Variants in NELL2 observed in about 807,000 individuals in gnomAD.
The protein encoded by NELL2 is protein kinase C-binding protein NELL2.
A neutral mutation model predicts 109.6 loss-of-function variants in NELL2; 41 were observed. That is an observed-to-expected ratio of 0.37 (90% confidence interval 0.29 to 0.49). The LOEUF is 0.49. Ranked by LOEUF, NELL2 falls within the 20% of genes least tolerant of loss-of-function variation. The pLI is 0.98. For missense variants in NELL2, 900 were observed against 1,008.3 expected, an observed-to-expected ratio of 0.89 and a Z score of 1.45; for synonymous variants, 355 against 344.7, an observed-to-expected ratio of 1.03 and a Z score of -0.33.
intron 1 of NELL2, among the ~76,000 whole-genome samples, chr12:44,882,120 A>G (rs942746828): frequency 6.6e-6 from 1 of 152,012 alleles, no homozygotes; most frequent in African/African-American, 2.4e-5. Flanking sequence ...CTCTAAAATT[A>G]TTGCTAAAGA....
intron 2 of NELL2, among the ~76,000 whole-genome samples, chr12:44,823,704 G>A (rs1353369326): frequency 1.3e-5 from 2 of 152,164 alleles, no homozygotes; most frequent in African/African-American, 2.4e-5. Context: ...GAACATGGGA[G>A]TACAAATATT....
intron 9 of NELL2, among the ~76,000 whole-genome samples, chr12:44,746,389 C>G (rs1940355518): frequency 6.6e-6 from 1 of 152,048 alleles, no homozygotes; most frequent in Middle Eastern, 3.2e-3. Context: ...TAGGCATGGG[C>G]AAGTACTTCA....
chr12:44,671,735 CA>C (rs2136351230), intron 12 of NELL2, among the ~76,000 whole-genome samples: 1 of 152,230 alleles, frequency 6.6e-6, no homozygotes, highest in South Asian at 2.1e-4. Flanking sequence ...AAAACCTGAA[CA>C]GATCAATAGC....
intron 14 of NELL2, among the ~76,000 whole-genome samples, chr12:44,607,564 T>C (rs1447974056): frequency 6.6e-6 from 1 of 152,044 alleles, no homozygotes; most frequent in Non-Finnish European, 1.5e-5. Flanking sequence ...TTTCTTCTCA[T>C]TGTAACAATC....
chr12:44,531,392 G>T (rs912124939), intron 16 of NELL2, among the ~76,000 whole-genome samples: 2 of 152,132 alleles, frequency 1.3e-5, no homozygotes, highest in Non-Finnish European at 2.9e-5. Flanking sequence ...ATAATCTGTG[G>T]TTCCTGGCAT....
intron 13 of NELL2, among the ~76,000 whole-genome samples, chr12:44,630,272 C>T (rs1389418268): frequency 6.6e-6 from 1 of 152,062 alleles, no homozygotes; most frequent in Admixed American, 6.6e-5. Context: ...TTCACAACAA[C>T]CCTATGAAAT....
At chr12:44,584,928 A>C (rs958889974) in intron 15 of NELL2, among the ~76,000 whole-genome samples, 1 of 152,226 alleles carries the variant, frequency 6.6e-6, no homozygotes, top group Non-Finnish European at 1.5e-5. Flanking sequence ...GAGTTCCATG[A>C]TCATCACATT....
At chr12:44,647,213 C>T (rs374884478) in intron 13 of NELL2, among the ~76,000 whole-genome samples, 34 of 152,206 alleles carry the variant, frequency 2.2e-4, no homozygotes, top group South Asian at 1.5e-3. Flanking sequence ...CTAAAGAACA[C>T]GAATTTGAGG....
At chr12:44,708,058 AAGG>A (rs1300322865) in intron 11 of NELL2, among the ~76,000 whole-genome samples, 3 of 152,176 alleles carry the variant, frequency 2.0e-5, no homozygotes, top group Non-Finnish European at 4.4e-5. Context: ...AGTGGTTGCC[AAGG>A]AGGAGGAGAA....
At chr12:44,852,897 T>C (rs1944573707) in intron 2 of NELL2, among the ~76,000 whole-genome samples, 1 of 152,136 alleles carries the variant, frequency 6.6e-6, no homozygotes, top group Non-Finnish European at 1.5e-5. Flanking sequence ...AAATGTACTA[T>C]GAGATGCTTT....
chr12:44,728,554 G>C (rs934691123), intron 9 of NELL2, among the ~76,000 whole-genome samples: 9 of 152,120 alleles, frequency 5.9e-5, no homozygotes, highest in African/African-American at 2.2e-4. Flanking sequence ...GAAAAAGGCA[G>C]AATGCTTGTT....
chr12:44,717,147 C>T (rs1202515687), intron 9 of NELL2, among the ~76,000 whole-genome samples: 2 of 152,042 alleles, frequency 1.3e-5, no homozygotes, highest in Non-Finnish European at 2.9e-5. Flanking sequence ...CTAATGTTGA[C>T]ATGGAATATT....
At chr12:44,575,289 T>TA (rs1300653491) in intron 15 of NELL2, among the ~76,000 whole-genome samples, 3 of 152,374 alleles carry the variant, frequency 2.0e-5, no homozygotes, top group Admixed American at 2.0e-4. Context: ...ACTTGAGAGA[T>TA]ACAAGTAAAT....
chr12:44,639,930 C>A (rs79694350), intron 13 of NELL2, among the ~76,000 whole-genome samples: 4 of 152,104 alleles, frequency 2.6e-5, no homozygotes, highest in Non-Finnish European at 5.9e-5. Context: ...ATTCACTATG[C>A]ATCAAACCTA....
chr12:44,686,176 C>T (rs1029871543), intron 12 of NELL2, among the ~76,000 whole-genome samples: 8 of 152,270 alleles, frequency 5.3e-5, no homozygotes, highest in Middle Eastern at 6.8e-3. Flanking sequence ...CATCTTCCAT[C>T]GCTGATACCC....
chr12:44,713,215 C>CACACACACAG (rs1452907003), intron 10 of NELL2, among the ~76,000 whole-genome samples: 1 of 143,208 alleles, frequency 7.0e-6, no homozygotes, highest in African/African-American at 2.8e-5. Context: ...CACACACACA[C>CACACACACAG]AGAGAGAGAC....
intron 9 of NELL2, among the ~76,000 whole-genome samples, chr12:44,759,089 T>C (rs1339267394): frequency 6.6e-6 from 1 of 152,194 alleles, no homozygotes. Context: ...AAGGCCACCA[T>C]ACTTCCTATC....
chr12:44,665,775 A>T (rs78543781), intron 12 of NELL2, among the ~76,000 whole-genome samples, 166 bp from the exon 13 acceptor site: 5,863 of 152,274 alleles, frequency 0.039, 370 homozygotes, highest in African/African-American at 0.13. Context: ...AAATGACAAA[A>T]ATCATGAGTT....
At chr12:44,772,284 C>T (rs1277353259) in intron 9 of NELL2, among the ~76,000 whole-genome samples, 1 of 152,224 alleles carries the variant, frequency 6.6e-6, no homozygotes, top group Non-Finnish European at 1.5e-5. Context: ...CACACACACG[C>T]ACAAACACAC....
Sources: gnomAD v4.1 joint callset for allele counts (sites outside exome capture counted in the v4.1 genomes callset) on GRCh38, gnomAD v4.1.1 for gene constraint, MANE v1.5 for transcripts, NCBI Gene and HGNC (gene_info 2026-07-23, HGNC 2026-07-21) for gene names.